DGKI: variants seen among roughly 807,000 people sequenced by gnomAD.
The protein encoded by DGKI is DAG kinase iota.
A neutral mutation model predicts 147.5 loss-of-function variants in DGKI; 55 were observed. That is an observed-to-expected ratio of 0.37 (90% confidence interval 0.30 to 0.47). The LOEUF (loss-of-function observed/expected upper bound fraction) is 0.47. DGKI is among the 20% of genes least tolerant of loss of function. The probability of loss-of-function intolerance (pLI) is 1.00; values close to 1 mark genes in which losing one functional copy is unlikely to be tolerated. For synonymous variants in DGKI, 469 were observed against 477.1 expected (o/e 0.98, Z 0.22); for missense variants, 1,007 against 1,323.8 (o/e 0.76, Z 3.71).
At chr7:137,468,177 A>T (rs916093445) in intron 24 of DGKI, among the ~76,000 whole-genome samples, 6 of 152,192 alleles carry the variant, frequency 3.9e-5, no homozygotes, top group Admixed American at 3.9e-4. Context: ...AGGCGACAGA[A>T]CTAAGAAACC....
chr7:137,703,001 C>T (rs943569111), intron 1 of DGKI, among the ~76,000 whole-genome samples: 6 of 152,126 alleles, frequency 3.9e-5, no homozygotes, highest in African/African-American at 7.2e-5. Context: ...TCAACGTATT[C>T]CTAAAAATTT....
intron 30 of DGKI, among the ~76,000 whole-genome samples, chr7:137,402,516 G>A (rs1433262505): frequency 6.6e-6 from 1 of 152,238 alleles, no homozygotes; most frequent in Non-Finnish European, 1.5e-5. Context: ...AGGCTCTTCT[G>A]TTGGATACCC....
chr7:137,501,691 C>T (rs557144538), intron 21 of DGKI, among the ~76,000 whole-genome samples: 1 of 152,234 alleles, frequency 6.6e-6, no homozygotes, highest in South Asian at 2.1e-4. Context: ...TGCTGAATTG[C>T]GTAGAGGCCA....
At position 137,401,855 on chromosome 7, in the gene DGKI, G is replaced by A. The variant is rs138056805; in HGVS notation, c.2921-4442C>T. Among the ~76,000 whole-genome samples the A allele has an allele frequency of 1.1e-3, 168 of 152,230 alleles. 1 individual carries two copies. Among genetic ancestry groups the A allele is most frequent in the South Asian group, 7.1e-3 (34 of 4,822 alleles). ...CTCCATGAAAATTTCAGATGAAAACGGCCTCTGCTCTTCCAGAACCCTAGA... is the reference window on the plus strand; with the variant it reads ...CTCCATGAAAATTTCAGATGAAAACAGCCTCTGCTCTTCCAGAACCCTAGA... On this transcript the variant is annotated intron_variant, in intron 30 of 32. Transcript: ENST00000614521.
At chr7:137,843,178 A>G (rs1798595996) in intron 1 of DGKI, among the ~76,000 whole-genome samples, 3 of 152,124 alleles carry the variant, frequency 2.0e-5, no homozygotes. Context: ...TGCATAGAAG[A>G]CAATAAACAT....
At chr7:137,603,572 T>C (rs1237356429) in intron 10 of DGKI, among the ~76,000 whole-genome samples, 1 of 152,128 alleles carries the variant, frequency 6.6e-6, no homozygotes, top group Non-Finnish European at 1.5e-5. Flanking sequence ...AGGAGAGCAA[T>C]ACAAAATAAA....
In DGKI at chr7:137,388,216, G is replaced by C. The variant is rs1329854324; in HGVS notation, c.*3004C>G. 1 of 152,154 alleles carries C rather than the reference G, an allele frequency of 6.6e-6. No individual in the cohort carries two copies. Among genetic ancestry groups the C allele is most frequent in the Non-Finnish European group, 1.5e-5 (1 of 68,032 alleles). 9.4% of individuals were successfully genotyped at this position (152,154 alleles called of 1,614,324 possible). ...CTCTCTTATTCTTTATGAAGTCCTT[G>C]AATACGATAAAGCACAGTTTAACTG... On this transcript the variant is annotated 3_prime_UTR_variant, in exon 33 of 33. Transcript: ENST00000614521.
chr7:137,679,076 G>A (rs909613553), intron 2 of DGKI, among the ~76,000 whole-genome samples: 16 of 152,160 alleles, frequency 1.1e-4, no homozygotes, highest in African/African-American at 3.9e-4. Context: ...AAAGGAGGAT[G>A]GTAGCATTAA....
intron 28 of DGKI, among the ~76,000 whole-genome samples, chr7:137,443,122 AG>A (rs1455715520): frequency 6.6e-6 from 1 of 152,198 alleles, no homozygotes; most frequent in Non-Finnish European, 1.5e-5. Context: ...GGGTAGGAGA[AG>A]GGAAAAGATG....
chr7:137,398,530 T>C (rs1811636293), intron 30 of DGKI, among the ~76,000 whole-genome samples: 1 of 152,206 alleles, frequency 6.6e-6, no homozygotes, highest in Non-Finnish European at 1.5e-5. Flanking sequence ...AAGACGATCC[T>C]GGGAATTTGC....
intron 20 of DGKI, among the ~76,000 whole-genome samples, chr7:137,548,768 G>A (rs1001142642): frequency 6.6e-6 from 1 of 152,184 alleles, no homozygotes; most frequent in African/African-American, 2.4e-5. Context: ...AGGACTTCGA[G>A]ACCAGCCTGA....
intron 5 of DGKI, among the ~76,000 whole-genome samples, chr7:137,646,541 AG>A (rs1178688264): frequency 6.6e-6 from 1 of 152,212 alleles, no homozygotes; most frequent in Non-Finnish European, 1.5e-5. Flanking sequence ...ATTACAAGAA[AG>A]TCATCCTCAG....
At chr7:137,826,553 G>A (rs1798063236) in intron 1 of DGKI, among the ~76,000 whole-genome samples, 1 of 152,210 alleles carries the variant, frequency 6.6e-6, no homozygotes, top group African/African-American at 2.4e-5. Flanking sequence ...CCCTCTGACA[G>A]TGAACAATGT....
chr7:137,784,650 A>G (rs1184792802), intron 1 of DGKI, among the ~76,000 whole-genome samples: 1 of 152,172 alleles, frequency 6.6e-6, no homozygotes, highest in African/African-American at 2.4e-5. Flanking sequence ...AGAACATTCT[A>G]CCCAACAACT....
At chr7:137,467,975 C>G (rs1814723990) in intron 24 of DGKI, among the ~76,000 whole-genome samples, 1 of 148,994 alleles carries the variant, frequency 6.7e-6, no homozygotes, top group East Asian at 2.0e-4. Context: ...CAGAGTCAGA[C>G]TCCTATCTCA....
intron 1 of DGKI, among the ~76,000 whole-genome samples, chr7:137,713,738 C>A (rs544648352): frequency 1.6e-3 from 251 of 152,182 alleles, no homozygotes; most frequent in African/African-American, 5.8e-3. Context: ...AATTCCTAGG[C>A]TCAAGCAATG....
chr7:137,793,298 C>T (rs1229752129), intron 1 of DGKI, among the ~76,000 whole-genome samples: 3 of 144,414 alleles, frequency 2.1e-5, no homozygotes, highest in South Asian at 2.1e-4. Flanking sequence ...ATTTTGCTGC[C>T]TTTTTTTTGT....
At chr7:137,686,831 T>G (rs923329006) in intron 2 of DGKI, among the ~76,000 whole-genome samples, 2 of 152,188 alleles carry the variant, frequency 1.3e-5, no homozygotes, top group Non-Finnish European at 2.9e-5. Flanking sequence ...AATACTTGTG[T>G]CCCTTCAGAT....
At chr7:137,465,876 C>A (rs966724253) in intron 26 of DGKI, 32 bp downstream of exon 26, 1 of 1,607,430 alleles carries the variant, frequency 6.2e-7, no homozygotes, top group East Asian at 2.2e-5. Flanking sequence ...CACCCTAAGG[C>A]CAGCCTCACA....
Sources: allele counts gnomAD v4.1 joint callset (sites outside exome capture counted in the v4.1 genomes callset), GRCh38; gene constraint gnomAD v4.1.1; transcripts MANE v1.5; gene names NCBI Gene and HGNC (gene_info 2026-07-23, HGNC 2026-07-21).